The following ERBB4 variants were observed in gnomAD, a reference collection of about 807,000 sequenced individuals.
The protein encoded by ERBB4 is erb-b2 receptor tyrosine kinase 4.
Under a neutral mutation model 158.0 loss-of-function variants are expected in ERBB4, and 42 were observed. The ratio of observed to expected loss-of-function variants is 0.27; its 90% confidence interval spans 0.21 to 0.34. The LOEUF is 0.34. ERBB4 is among the 10% of genes least tolerant of loss of function. The pLI, the probability that ERBB4 is intolerant of heterozygous loss-of-function variation, is 1.00. For missense variants in ERBB4, 1,333 were observed against 1,624.1 expected, an observed-to-expected ratio of 0.82 and a Z score of 3.08; for synonymous variants, 583 against 558.7, an observed-to-expected ratio of 1.04 and a Z score of -0.61.
chr2:211,531,500 A>G (rs909525491), intron 20 of ERBB4, among the ~76,000 whole-genome samples: 5 of 152,182 alleles, frequency 3.3e-5, no homozygotes, highest in African/African-American at 1.2e-4. Flanking sequence ...TGGGCAATAG[A>G]TCTGAACAGA....
chr2:211,429,776 C>CA (rs2063710629), intron 21 of ERBB4, among the ~76,000 whole-genome samples: 1 of 152,192 alleles, frequency 6.6e-6, no homozygotes, highest in Admixed American at 6.5e-5. Flanking sequence ...AGTTAGCAGA[C>CA]TTTATGGACT....
chr2:212,198,830 C>T (rs1462003180), intron 1 of ERBB4, among the ~76,000 whole-genome samples: 2 of 151,104 alleles, frequency 1.3e-5, no homozygotes, highest in African/African-American at 2.4e-5. Flanking sequence ...GTGATCCACC[C>T]ACCTCGGCCT....
chr2:211,881,601 T>TGGGGGGGGGGGGGG (rs113757181), intron 3 of ERBB4, among the ~76,000 whole-genome samples: 19 of 37,342 alleles, frequency 5.1e-4, no homozygotes, highest in Non-Finnish European at 6.8e-4. Context: ...GGGGTGGGGG[T>TGGGGGGGGGGGGGG]CGGGGGGGCT....
intron 3 of ERBB4, among the ~76,000 whole-genome samples, chr2:211,857,474 C>G (rs1237683109): frequency 6.6e-6 from 1 of 151,454 alleles, no homozygotes; most frequent in East Asian, 1.9e-4. Context: ...GGCATTGCCT[C>G]TTGCTCAAAT....
intron 1 of ERBB4, among the ~76,000 whole-genome samples, chr2:212,449,902 A>G (rs984411956): frequency 6.6e-6 from 1 of 152,192 alleles, no homozygotes; most frequent in Admixed American, 6.5e-5. Context: ...TTTGAGATAT[A>G]TGTAATTTTT....
At chr2:211,680,192 G>A (rs2072277520) in intron 12 of ERBB4, among the ~76,000 whole-genome samples, 1 of 152,106 alleles carries the variant, frequency 6.6e-6, no homozygotes, top group Non-Finnish European at 1.5e-5. Flanking sequence ...TGGCAGAAGG[G>A]CCAAATAATT....
At chr2:212,081,145 G>A (rs1441358047) in intron 2 of ERBB4, among the ~76,000 whole-genome samples, 1 of 152,140 alleles carries the variant, frequency 6.6e-6, no homozygotes, top group Non-Finnish European at 1.5e-5. Context: ...AGACGGTTAT[G>A]TTAATTAAGC....
chr2:211,978,396 G>GTCTGTCTGTCTATCTATCTATCTA (rs77259627), intron 2 of ERBB4, among the ~76,000 whole-genome samples: 50 of 136,646 alleles, frequency 3.7e-4, no homozygotes, highest in East Asian at 8.4e-4. Context: ...CTGTCTGTCT[G>GTCTGTCTGTCTATCTATCTATCTA]TCTATCTATC....
chr2:211,840,619 C>G (rs941213596), intron 3 of ERBB4, among the ~76,000 whole-genome samples: 1 of 152,054 alleles, frequency 6.6e-6, no homozygotes, highest in Non-Finnish European at 1.5e-5. Flanking sequence ...TCCTCAAAAA[C>G]AGCACAAGAA....
At chr2:211,839,172 G>GA (rs2105994205) in intron 3 of ERBB4, among the ~76,000 whole-genome samples, 1 of 90,260 alleles carries the variant, frequency 1.1e-5, no homozygotes, top group East Asian at 3.7e-4. Context: ...AGGAGGAGGA[G>GA]GAGGAGGAGG....
At chr2:212,407,129 T>A (rs556708334) in intron 1 of ERBB4, among the ~76,000 whole-genome samples, 1 of 151,270 alleles carries the variant, frequency 6.6e-6, no homozygotes, top group East Asian at 1.9e-4. Context: ...ATTAAAAGAT[T>A]ATATACATAA....
chr2:212,338,635 C>CAACT (rs1238182776), intron 1 of ERBB4, among the ~76,000 whole-genome samples: 5 of 152,100 alleles, frequency 3.3e-5, no homozygotes, highest in African/African-American at 1.2e-4. Context: ...TATACCTACA[C>CAACT]AACTCATTGA....
intron 1 of ERBB4, among the ~76,000 whole-genome samples, chr2:212,328,029 T>TAA (rs35809596): frequency 6.5e-4 from 95 of 145,238 alleles, no homozygotes; most frequent in East Asian, 2.6e-3. Context: ...AAAACAACTT[T>TAA]AAAAAAAAAA....
chr2:211,736,317 T>C (rs2074599906), intron 5 of ERBB4, among the ~76,000 whole-genome samples: 1 of 152,170 alleles, frequency 6.6e-6, no homozygotes, highest in Non-Finnish European at 1.5e-5. Flanking sequence ...CTTGATGAAA[T>C]GTTTTGAGGA....
intron 16 of ERBB4, among the ~76,000 whole-genome samples, chr2:211,633,820 T>C (rs1003046064): frequency 6.6e-6 from 1 of 151,546 alleles, no homozygotes; most frequent in African/African-American, 2.4e-5. Context: ...TAGTAGAAAA[T>C]ATTTGCAAAC....
chr2:211,604,609 C>T (rs893140764), intron 19 of ERBB4, among the ~76,000 whole-genome samples: 2 of 152,264 alleles, frequency 1.3e-5, no homozygotes, highest in Non-Finnish European at 2.9e-5. Flanking sequence ...ATCACCAAAA[C>T]GACAGTTAGA....
chr2:212,033,124 A>G (rs1175513988), intron 2 of ERBB4, among the ~76,000 whole-genome samples: 1 of 151,986 alleles, frequency 6.6e-6, no homozygotes, highest in Admixed American at 6.6e-5. Flanking sequence ...TACTTACAAA[A>G]TTATATAAAT....
At chr2:211,687,046 A>G (rs894415275) in intron 12 of ERBB4, among the ~76,000 whole-genome samples, 6 of 152,076 alleles carry the variant, frequency 3.9e-5, no homozygotes, top group African/African-American at 1.4e-4. Context: ...CTGTAATCCC[A>G]GCACTTTGGG....
intron 20 of ERBB4, among the ~76,000 whole-genome samples, chr2:211,463,163 C>T (rs1311283235): frequency 6.6e-6 from 1 of 152,154 alleles, no homozygotes; most frequent in African/African-American, 2.4e-5. Context: ...AATAATAATT[C>T]TGTGACTGAA....
Sources: allele counts gnomAD v4.1 joint callset (sites outside exome capture counted in the v4.1 genomes callset), GRCh38; gene constraint gnomAD v4.1.1; transcripts MANE v1.5; gene names NCBI Gene and HGNC (gene_info 2026-07-23, HGNC 2026-07-21).